Variants in TTC17 observed in about 807,000 individuals in gnomAD.
TTC17 encodes the protein tetratricopeptide repeat protein 17.
TTC17 carries 58 observed loss-of-function variants against 143.8 expected under a neutral mutation model. That is an observed-to-expected ratio of 0.40 (90% CI 0.33 to 0.50). The LOEUF (loss-of-function observed/expected upper bound fraction) is 0.50, where lower values mean the gene tolerates loss of function less well. Among genes scored for constraint, TTC17 ranks in the 20% least tolerant of loss-of-function variants. The pLI is 0.49. For synonymous variants in TTC17, 501 were observed against 497.8 expected, an observed-to-expected ratio of 1.01 and a Z score of -0.09; for missense variants, 1,273 against 1,392.5, an observed-to-expected ratio of 0.91 and a Z score of 1.37.
At chr11:43,439,599 G>A (rs1249839161) in intron 16 of TTC17, among the ~76,000 whole-genome samples, 1 of 151,786 alleles carries the variant, frequency 6.6e-6, no homozygotes, top group Non-Finnish European at 1.5e-5. Flanking sequence ...TCCCGAGGTG[G>A]CTGGGACTAT....
At chr11:43,390,324 TA>T (rs527854335) in intron 3 of TTC17, 6 of 151,424 alleles carry the variant, frequency 4.0e-5, no homozygotes, top group Non-Finnish European at 5.9e-5. Flanking sequence ...CCCTGTCTCT[TA>T]AAAAAAAGGC....
intron 2 of TTC17, among the ~76,000 whole-genome samples, chr11:43,387,553 G>A (rs1411596638): frequency 6.6e-6 from 1 of 152,142 alleles, no homozygotes; most frequent in African/African-American, 2.4e-5. Context: ...ATAAGGTCAT[G>A]CTAAGTGATC....
chr11:43,365,801 A>G (rs1330281761), intron 1 of TTC17, among the ~76,000 whole-genome samples: 1 of 152,222 alleles, frequency 6.6e-6, no homozygotes, highest in East Asian at 1.9e-4. Flanking sequence ...TTGGGAGAGT[A>G]TAATGCAGGT....
In TTC17 at chr11:43,489,520, C is replaced by T. The variant is rs985789992; in HGVS notation, c.3031-719C>T. On this transcript the variant is annotated intron_variant, in intron 21 of 23. Transcript: ENST00000039989. ...TGGGAGGCCGAAGTGTGCAGATCAC[C>T]TGAGGTCATGAGTTCGAGACCAGCC... 8.6e-5 allele frequency among the ~76,000 whole-genome samples: 13 copies of T among 151,992 alleles called. No individual in the cohort carries two copies. The South Asian group carries it at 1.9e-3, about 22-fold the overall frequency.
At chr11:43,380,495 T>G (rs532460496) in intron 2 of TTC17, among the ~76,000 whole-genome samples, 32 of 152,170 alleles carry the variant, frequency 2.1e-4, no homozygotes, top group African/African-American at 7.5e-4. Context: ...CCTCAGGTGA[T>G]CTGCCCACCT....
At chr11:43,413,424 A>T (rs1231989715) in intron 15 of TTC17, among the ~76,000 whole-genome samples, 1 of 152,210 alleles carries the variant, frequency 6.6e-6, no homozygotes, top group Non-Finnish European at 1.5e-5. Flanking sequence ...ATGACCTTGC[A>T]GTAGGCAAAG....
At chr11:43,431,305 G>A (rs1947153872) in intron 16 of TTC17, among the ~76,000 whole-genome samples, 1 of 152,132 alleles carries the variant, frequency 6.6e-6, no homozygotes, top group South Asian at 2.1e-4. Context: ...GGATTGCTGG[G>A]TCAAATGATA....
At chr11:43,417,488 T>C (rs1170220785) in intron 16 of TTC17, among the ~76,000 whole-genome samples, 4 of 152,190 alleles carry the variant, frequency 2.6e-5, no homozygotes, top group East Asian at 3.8e-4. Context: ...TACGATTCTT[T>C]TTCCATGTAA....
chr11:43,411,953 T>G (rs924911113), intron 15 of TTC17, among the ~76,000 whole-genome samples: 1 of 152,196 alleles, frequency 6.6e-6, no homozygotes. Flanking sequence ...ATAAGCATTG[T>G]TTTACATAGG....
intron 22 of TTC17, chr11:43,490,854 C>CAAAAAAAAAA (rs57074352): frequency 1.5e-5 from 1 of 66,570 alleles, no homozygotes; most frequent in African/African-American, 5.2e-5. Flanking sequence ...ACTTTTTCCA[C>CAAAAAAAAAA]AAAAAAAAAA....
intron 15 of TTC17, among the ~76,000 whole-genome samples, chr11:43,409,847 C>CTTTTTTTTTTTTTTTT (rs1435453658): frequency 6.9e-6 from 1 of 143,948 alleles, no homozygotes; most frequent in African/African-American, 2.5e-5. Context: ...TTTTTCTTTT[C>CTTTTTTTTTTTTTTTT]TTTTTTTTTT....
At chr11:43,436,037 G>C in intron 16 of TTC17, 3 of 770,664 alleles carry the variant, frequency 3.9e-6, no homozygotes, top group Non-Finnish European at 5.3e-6. Context: ...ACTGATTTTT[G>C]TGTGTTCTGC....
At chr11:43,476,919 A>T (rs756905378) in intron 21 of TTC17, among the ~76,000 whole-genome samples, 1 of 152,186 alleles carries the variant, frequency 6.6e-6, no homozygotes, top group Non-Finnish European at 1.5e-5. Flanking sequence ...TTTCTATCGC[A>T]TAGTCAGGCT....
intron 16 of TTC17, among the ~76,000 whole-genome samples, chr11:43,432,989 GTGTTTTGTTT>G (rs58503177): frequency 9.9e-5 from 15 of 151,108 alleles, no homozygotes; most frequent in South Asian, 2.1e-4. Flanking sequence ...GGTTTTTTGG[GTGTTTTGTTT>G]TGTTTTGTTT....
chr11:43,391,873 C>T lies in TTC17; in HGVS notation c.584C>T (p.Pro195Leu), dbSNP rs1857402635. ...LSAPLLPKED[P>L]IFTYLSKRLG... ...GCACCTCTGCTACCTAAAGAAGACCCAATCTTCACATATTTATCTAAACGG... is the reference window on the plus strand; with the variant it reads ...GCACCTCTGCTACCTAAAGAAGACCTAATCTTCACATATTTATCTAAACGG... The change falls in exon 5 of 24, where the codon CCA becomes CTA. Residue 195 changes from proline to leucine, a missense_variant. This residue lies in a region of TTC17 where 325 missense variants were observed against 444.2 expected (regional missense o/e 0.73). Coordinates refer to ENST00000039989, the MANE Select transcript of TTC17 (RefSeq NM_018259.6). 2 of 1,613,742 alleles carry T rather than the reference C, an allele frequency of 1.2e-6. No homozygotes were observed. The highest frequency in any genetic ancestry group is 1.7e-6 in the Non-Finnish European group (2 of 1,179,944).
intron 15 of TTC17, among the ~76,000 whole-genome samples, chr11:43,410,559 A>G (rs1429139282): frequency 1.3e-5 from 2 of 152,210 alleles, no homozygotes; most frequent in Non-Finnish European, 2.9e-5. Flanking sequence ...ATCAAAGTTC[A>G]TATTTACACG....
Position 43,447,990 on chromosome 11 carries a change from C to A in TTC17, c.2666-12C>A. 1 of 1,613,222 alleles carries A rather than the reference C, an allele frequency of 6.2e-7. No homozygotes were observed. Among genetic ancestry groups the A allele is most frequent in the South Asian group, 1.1e-5 (1 of 90,978 alleles). Reference sequence around the variant, plus strand: ...TGCAATTGTGTGGATTCATGGCATACTTTCCTTCCAGGAAAAAAACGTGAC... The same window carrying A: ...TGCAATTGTGTGGATTCATGGCATAATTTCCTTCCAGGAAAAAAACGTGAC... On this transcript the variant is annotated splice_polypyrimidine_tract_variant and intron_variant, in intron 18 of 23. Coordinates refer to ENST00000039989, the MANE Select transcript of TTC17 (RefSeq NM_018259.6).
intron 9 of TTC17, among the ~76,000 whole-genome samples, chr11:43,400,751 TA>T (rs1857817863): frequency 6.6e-6 from 1 of 152,154 alleles, no homozygotes; most frequent in Non-Finnish European, 1.5e-5. Flanking sequence ...CTGTGATCCA[TA>T]AAAATAGAAC....
rs11599944 is a variant in TTC17 at position 43,490,332 on chromosome 11, C to T, written c.3124C>T (p.Leu1042=). 6.2e-7 allele frequency: 1 copy of T among 1,611,010 alleles called. No individual in the cohort carries two copies. The highest frequency in any genetic ancestry group is 8.5e-7 in the Non-Finnish European group (1 of 1,178,160). The stretch of plus-strand genomic sequence containing the variant: ...GGCAATCGACTGCCTCCGCCAGGCT[C>T]TGCACTATGCGCCACACCAGATGAA... The part of the protein sequence containing the change: ...KKAIDCLRQA[L]HYAPHQMKDV... Residue 1042 remains leucine, a synonymous_variant, in exon 22 of 24, where the codon CTG becomes TTG. Coordinates refer to ENST00000039989, the MANE Select transcript of TTC17 (RefSeq NM_018259.6).
Sources: gnomAD v4.1 joint callset for allele counts (sites outside exome capture counted in the v4.1 genomes callset) on GRCh38, gnomAD v4.1.1 for gene constraint, gnomAD v4.1.1 regional missense constraint, MANE v1.5 for transcripts, NCBI Gene and HGNC (gene_info 2026-07-23, HGNC 2026-07-21) for gene names.